SRRM4: variants seen among roughly 807,000 people sequenced by gnomAD.
SRRM4 encodes the protein serine/arginine repetitive matrix protein 4.
Under a neutral mutation model 68.9 loss-of-function variants are expected in SRRM4, and 33 were observed. That is an observed-to-expected ratio of 0.48 (90% CI 0.36 to 0.64). SRRM4 has a LOEUF of 0.64. Ranked by LOEUF, SRRM4 falls within the 30% of genes least tolerant of loss-of-function variation. SRRM4 has a pLI of 0.00. For missense variants in SRRM4, 817 were observed against 827.1 expected, an observed-to-expected ratio of 0.99 and a Z score of 0.15; for synonymous variants, 318 against 318.8, an observed-to-expected ratio of 1.00 and a Z score of 0.03.
At chr12:119,004,468 G>A (rs1331368172) in intron 1 of SRRM4, among the ~76,000 whole-genome samples, 1 of 152,026 alleles carries the variant, frequency 6.6e-6, no homozygotes, top group Non-Finnish European at 1.5e-5. Flanking sequence ...CTGAGAGGGG[G>A]AGGGGAGCCT....
intron 3 of SRRM4, 79 bp from the exon 4 acceptor site, chr12:119,116,858 G>C: frequency 8.4e-7 from 1 of 1,194,986 alleles, no homozygotes; most frequent in Non-Finnish European, 1.2e-6. Flanking sequence ...CCTGTATAAG[G>C]ACTGGGGAAG....
chr12:119,141,240 G>C (rs918635976), intron 8 of SRRM4, among the ~76,000 whole-genome samples: 3 of 152,176 alleles, frequency 2.0e-5, no homozygotes, highest in Admixed American at 2.0e-4. Context: ...ACCATGCTCG[G>C]TCTTAGAAGA....
At chr12:118,986,438 G>T (rs76660304) in intron 1 of SRRM4, among the ~76,000 whole-genome samples, 2 of 152,146 alleles carry the variant, frequency 1.3e-5, no homozygotes, top group Admixed American at 6.5e-5. Context: ...CCCGGCACAC[G>T]TGCTATCTTA....
chr12:119,118,411 C>T (rs574365514), intron 4 of SRRM4, among the ~76,000 whole-genome samples: 5 of 152,358 alleles, frequency 3.3e-5, no homozygotes, highest in African/African-American at 9.6e-5. Flanking sequence ...TTCAAAGTTG[C>T]ACCAGTGTGG....
rs1262741101 is a variant in SRRM4, at chr12:119,140,343, A to C, written c.772-5038A>C. Among the ~76,000 whole-genome samples the C allele has an allele frequency of 2.7e-5, 4 of 150,036 alleles. No homozygotes were observed. In the Admixed American group the frequency reaches 2.7e-4, roughly 10 times the overall value. On this transcript the variant is annotated intron_variant, in intron 8 of 12. Coordinates refer to ENST00000267260, the MANE Select transcript of SRRM4 (RefSeq NM_194286.4). ...CAGTGAGCGGAGATCATGCCATTGC[A>C]CTCCAGCCTGGGCAACAGAGCGAGA...
At chr12:119,015,598 A>G (rs1471855284) in intron 1 of SRRM4, among the ~76,000 whole-genome samples, 1 of 151,886 alleles carries the variant, frequency 6.6e-6, no homozygotes, top group Non-Finnish European at 1.5e-5. Context: ...AAAATATATG[A>G]CTGCATTTAG....
intron 1 of SRRM4, among the ~76,000 whole-genome samples, chr12:119,074,989 A>C (rs1249224595): frequency 6.6e-6 from 1 of 152,216 alleles, no homozygotes; most frequent in Non-Finnish European, 1.5e-5. Flanking sequence ...AATGTGGAAG[A>C]CACTCACAGA....
chr12:118,986,433 C>G (rs78976429), intron 1 of SRRM4, among the ~76,000 whole-genome samples: 1,553 of 152,280 alleles, frequency 0.01, 25 homozygotes, highest in African/African-American at 0.035. Context: ...GTTCACCCGG[C>G]ACACGTGCTA....
At chr12:119,151,631 G>T (rs146562881) in intron 10 of SRRM4, among the ~76,000 whole-genome samples, 9 of 152,194 alleles carry the variant, frequency 5.9e-5, no homozygotes, top group Non-Finnish European at 1.2e-4. Context: ...TCAGCAATTG[G>T]GCTGGGCTCA....
chr12:118,998,497 T>C (rs7310002), intron 1 of SRRM4, among the ~76,000 whole-genome samples: 148,533 of 152,288 alleles, frequency 0.98, 72,472 homozygotes, highest in East Asian at 1. Context: ...GAAGGGGATG[T>C]TACAGCTTTT....
intron 1 of SRRM4, among the ~76,000 whole-genome samples, chr12:119,096,718 G>T (rs1402577302): frequency 2.0e-5 from 3 of 152,304 alleles, no homozygotes; most frequent in African/African-American, 4.8e-5. Flanking sequence ...CTCCACCATT[G>T]TTGGTCTCTG....
At chr12:119,062,235 A>G (rs1953817229) in intron 1 of SRRM4, among the ~76,000 whole-genome samples, 1 of 152,242 alleles carries the variant, frequency 6.6e-6, no homozygotes, top group East Asian at 1.9e-4. Flanking sequence ...TTATCTGTAT[A>G]GGGCACTTGC....
At position 119,130,980 on chromosome 12, in the gene SRRM4, C is replaced by T. The variant is rs935968713; in HGVS notation, c.771+146C>T. 36 of 911,196 alleles carry T rather than the reference C, an allele frequency of 4.0e-5. No homozygotes were observed. In the African/African-American group the frequency reaches 5.0e-4, roughly 13 times the overall value. 56.4% of individuals were successfully genotyped at this position (911,196 alleles called of 1,614,324 possible). A position where few individuals can be genotyped will look rare whatever the true frequency, so the allele number is the denominator to read the frequency against. On this transcript the variant is annotated intron_variant, in intron 8 of 12. Transcript: ENST00000267260. ...GGCTCCAGACCTCATTAATGATGAA[C>T]CAAATGATCATTCACCAGACTTTGG... is the stretch of plus-strand genomic sequence containing the variant.
chr12:119,027,936 C>T (rs1358138417), intron 1 of SRRM4, among the ~76,000 whole-genome samples: 4 of 152,276 alleles, frequency 2.6e-5, no homozygotes, highest in South Asian at 2.1e-4. Context: ...AGCATCAACC[C>T]GAGTGGAGTA....
intron 1 of SRRM4, among the ~76,000 whole-genome samples, chr12:118,988,541 C>G (rs986828853): frequency 2.0e-5 from 3 of 152,090 alleles, no homozygotes; most frequent in Non-Finnish European, 2.9e-5. Flanking sequence ...GAACAACCAC[C>G]AGTGATGGGG....
At chr12:119,156,108 C>A (rs1266401277) in intron 12 of SRRM4, among the ~76,000 whole-genome samples, 9 of 152,038 alleles carry the variant, frequency 5.9e-5, no homozygotes, top group African/African-American at 2.2e-4. Flanking sequence ...ACATTTATTT[C>A]TAAAGGAAAC....
chr12:119,105,927 T>TTTTCTTCTAGGG (rs1954105247), intron 2 of SRRM4, among the ~76,000 whole-genome samples: 2 of 151,482 alleles, frequency 1.3e-5, no homozygotes, highest in Admixed American at 1.3e-4. Flanking sequence ...ATTGCCTAGG[T>TTTTCTTCTAGGG]TTTTTATGGT....
chr12:119,134,272 T>C (rs1705016348), intron 8 of SRRM4, among the ~76,000 whole-genome samples: 1 of 151,942 alleles, frequency 6.6e-6, no homozygotes, highest in Admixed American at 6.6e-5. Context: ...CTCTCTTGCT[T>C]GGTCAGCACC....
chr12:119,156,411 G>A (rs1395260745), intron 12 of SRRM4, 84 bp from the exon 13 acceptor site: 1 of 1,471,338 alleles, frequency 6.8e-7, no homozygotes, highest in African/African-American at 1.4e-5. Flanking sequence ...GAGGATATTG[G>A]TTTCCCTTGG....
Sources: allele counts gnomAD v4.1 joint callset (sites outside exome capture counted in the v4.1 genomes callset), GRCh38; gene constraint gnomAD v4.1.1; transcripts MANE v1.5; gene names NCBI Gene and HGNC (gene_info 2026-07-23, HGNC 2026-07-21).